LDLRAD4: variants seen among roughly 807,000 people sequenced by gnomAD.
LDLRAD4 encodes the protein low-density lipoprotein receptor class A domain-containing protein 4.
LDLRAD4 carries 5 observed loss-of-function variants against 17.0 expected under a neutral mutation model. The ratio of observed to expected loss-of-function variants is 0.29; its 90% confidence interval spans 0.15 to 0.62. The LOEUF is 0.62. Among genes scored for constraint, LDLRAD4 ranks in the 20% least tolerant of loss-of-function variants. LDLRAD4 has a pLI of 0.84. For missense variants in LDLRAD4, 340 were observed against 424.7 expected (o/e 0.80, Z 1.75); for synonymous variants, 168 against 171.8 (o/e 0.98, Z 0.17).
chr18:13,566,709 G>C (rs2094607498), intron 3 of LDLRAD4, among the ~76,000 whole-genome samples: 1 of 152,130 alleles, frequency 6.6e-6, no homozygotes, highest in African/African-American at 2.4e-5. Context: ...TGGCCCAGTG[G>C]AAATAATTGA....
chr18:13,588,909 C>T lies in LDLRAD4; in HGVS notation c.182-32208C>T, dbSNP rs1289855957. 2.0e-5 allele frequency among the ~76,000 whole-genome samples: 3 copies of T among 151,118 alleles called. No homozygotes were observed. The South Asian group carries it at 6.3e-4, about 32-fold the overall frequency. ...CATCTAGCACTCTGCCATCTTTTTCCTTTTCTTTTTTTTTTCTTTTTTTCT... is the reference window on the plus strand; with the variant it reads ...CATCTAGCACTCTGCCATCTTTTTCTTTTTCTTTTTTTTTTCTTTTTTTCT... On this transcript the variant is annotated intron_variant, in intron 3 of 5. Coordinates refer to ENST00000359446, the Ensembl canonical transcript of LDLRAD4.
intron 1 of LDLRAD4, among the ~76,000 whole-genome samples, chr18:13,305,708 C>T (rs2046872081): frequency 3.3e-5 from 5 of 152,104 alleles, no homozygotes; most frequent in Admixed American, 3.3e-4. Context: ...TTTGCCATTT[C>T]AAGATAAATG....
intron 4 of LDLRAD4, among the ~76,000 whole-genome samples, chr18:13,631,563 A>G (rs1477406926): frequency 1.3e-5 from 2 of 152,210 alleles, no homozygotes; most frequent in Middle Eastern, 3.2e-3. Context: ...CCATAGACTA[A>G]TATTTCTTAT....
chr18:13,650,163 A>G (rs2043184980), exon 6 of LDLRAD4: 1 of 398,998 alleles, frequency 2.5e-6, no homozygotes, highest in Non-Finnish European at 4.4e-6. Context: ...TTAGGAACCA[A>G]TATTTCAGCA....
intron 3 of LDLRAD4, chr18:13,615,324 AG>A (rs1441062188): frequency 6.6e-6 from 1 of 152,194 alleles, no homozygotes; most frequent in East Asian, 1.9e-4. Flanking sequence ...ACACATCTGG[AG>A]CTTAAAAAGA....
At chr18:13,370,713 G>GTTTTTTTTTTTTTTTGT (rs2084409680) in intron 1 of LDLRAD4, among the ~76,000 whole-genome samples, 2 of 17,198 alleles carry the variant, frequency 1.2e-4, no homozygotes, top group Non-Finnish European at 3.3e-4. Flanking sequence ...TTTTTGTTTT[G>GTTTTTTTTTTTTTTTGT]TTTTTTTTTT....
chr18:13,618,536 C>T (rs1391761547), intron 3 of LDLRAD4, among the ~76,000 whole-genome samples: 1 of 152,194 alleles, frequency 6.6e-6, no homozygotes, highest in Non-Finnish European at 1.5e-5. Flanking sequence ...TAGTCAAGAA[C>T]AGATGACCTA....
intron 1 of LDLRAD4, among the ~76,000 whole-genome samples, chr18:13,230,338 G>T (rs181337965): frequency 3.9e-5 from 6 of 152,218 alleles, no homozygotes; most frequent in Non-Finnish European, 8.8e-5. Context: ...TAGACCTCGG[G>T]CTGAGACTTA....
At chr18:13,324,027 T>TG (rs2081383686) in intron 1 of LDLRAD4, among the ~76,000 whole-genome samples, 1 of 151,786 alleles carries the variant, frequency 6.6e-6, no homozygotes, top group African/African-American at 2.4e-5. Context: ...ATCGTGCCGC[T>TG]GCACTCCATC....
chr18:13,430,158 C>T (rs2090229846), intron 2 of LDLRAD4, among the ~76,000 whole-genome samples: 1 of 152,186 alleles, frequency 6.6e-6, no homozygotes, highest in Non-Finnish European at 1.5e-5. Context: ...CTTGTGCTTC[C>T]CATTTTGGGG....
intron 3 of LDLRAD4, among the ~76,000 whole-genome samples, chr18:13,605,880 G>A (rs1345382738): frequency 6.6e-6 from 1 of 152,138 alleles, no homozygotes; most frequent in African/African-American, 2.4e-5. Context: ...GTAGAGCAGG[G>A]CTTCTGAAAT....
intron 3 of LDLRAD4, among the ~76,000 whole-genome samples, chr18:13,453,916 G>C (rs2091980118): frequency 1.3e-5 from 2 of 152,276 alleles, no homozygotes; most frequent in Admixed American, 6.5e-5. Flanking sequence ...TGTGATCACA[G>C]CATTAAAATA....
At chr18:13,351,501 T>C (rs1200628511) in intron 1 of LDLRAD4, among the ~76,000 whole-genome samples, 1 of 152,176 alleles carries the variant, frequency 6.6e-6, no homozygotes, top group Non-Finnish European at 1.5e-5. Context: ...TTTGCTGCAG[T>C]TGCTTATCAG....
intron 1 of LDLRAD4, among the ~76,000 whole-genome samples, chr18:13,332,561 T>TC (rs2081918448): frequency 6.6e-6 from 1 of 152,210 alleles, no homozygotes; most frequent in African/African-American, 2.4e-5. Flanking sequence ...CACCTGTTCA[T>TC]CTCTCCCTCC....
chr18:13,530,853 A>C (rs1460405482), intron 3 of LDLRAD4, among the ~76,000 whole-genome samples: 1 of 115,958 alleles, frequency 8.6e-6, no homozygotes, highest in Non-Finnish European at 1.7e-5. Flanking sequence ...CAGCCCCCGC[A>C]GATGTCCCAG....
At chr18:13,392,235 G>A (rs990332057) in intron 2 of LDLRAD4, among the ~76,000 whole-genome samples, 1 of 152,374 alleles carries the variant, frequency 6.6e-6, no homozygotes, top group East Asian at 1.9e-4. Flanking sequence ...TGCGTGGAGC[G>A]GCCCCCACCT....
chr18:13,471,784 A>T (rs1238423824), intron 3 of LDLRAD4: 2 of 152,376 alleles, frequency 1.3e-5, no homozygotes, highest in African/African-American at 4.8e-5. Context: ...CTCCTGTTTC[A>T]TAAGAATTGC....
At chr18:13,383,028 T>C (rs899346693) in intron 1 of LDLRAD4, among the ~76,000 whole-genome samples, 3 of 152,212 alleles carry the variant, frequency 2.0e-5, no homozygotes, top group African/African-American at 7.2e-5. Flanking sequence ...GTAATCATCA[T>C]CTCAACTCTT....
At chr18:13,485,745 G>A (rs539960612) in intron 3 of LDLRAD4, among the ~76,000 whole-genome samples, 73 of 152,316 alleles carry the variant, frequency 4.8e-4, no homozygotes, top group African/African-American at 1.6e-3. Flanking sequence ...TAGGAGCGGT[G>A]GCTCACGCCT....
Sources: gnomAD v4.1 joint callset for allele counts (sites outside exome capture counted in the v4.1 genomes callset) on GRCh38, gnomAD v4.1.1 for gene constraint, MANE v1.5 for transcripts, NCBI Gene and HGNC (gene_info 2026-07-23, HGNC 2026-07-21) for gene names.